Variants in LINGO2 observed in about 807,000 individuals in gnomAD.
LINGO2 encodes leucine rich repeat and Ig domain containing 2.
In LINGO2, 14 loss-of-function variants were observed where a neutral mutation model predicts 30.6. The ratio of observed to expected loss-of-function variants is 0.46; its 90% CI spans 0.30 to 0.72. The LOEUF (loss-of-function observed/expected upper bound fraction) is 0.72. LINGO2 is among the 30% of genes least tolerant of loss of function. LINGO2 has a pLI of 0.07. For missense variants in LINGO2, 729 were observed against 751.7 expected (o/e 0.97, Z 0.35); for synonymous variants, 317 against 288.5 (o/e 1.10, Z -1.00).
chr9:28,565,590 C>T (rs1040176380), intron 1 of LINGO2, among the ~76,000 whole-genome samples: 1 of 151,416 alleles, frequency 6.6e-6, no homozygotes, highest in South Asian at 2.1e-4. Context: ...CTCGCTCTGT[C>T]GCCCAGGCTG....
chr9:28,331,525 A>G (rs1825418284), intron 3 of LINGO2, among the ~76,000 whole-genome samples: 1 of 152,046 alleles, frequency 6.6e-6, no homozygotes, highest in African/African-American at 2.4e-5. Context: ...TGTTTTTTGG[A>G]GAAGAAGTCT....
At chr9:28,549,350 T>C (rs1157833381) in intron 1 of LINGO2, among the ~76,000 whole-genome samples, 1 of 152,162 alleles carries the variant, frequency 6.6e-6, no homozygotes, top group Non-Finnish European at 1.5e-5. Flanking sequence ...ATTTCATTCA[T>C]CTATATTGAT....
At chr9:28,158,414 G>T (rs1828195106) in intron 4 of LINGO2, among the ~76,000 whole-genome samples, 1 of 152,172 alleles carries the variant, frequency 6.6e-6, no homozygotes, top group Non-Finnish European at 1.5e-5. Context: ...AGGTAAGAGA[G>T]AAAGTTACTA....
At chr9:28,668,103 A>C (rs1588048842) in intron 1 of LINGO2, among the ~76,000 whole-genome samples, 1 of 152,272 alleles carries the variant, frequency 6.6e-6, no homozygotes, top group Non-Finnish European at 1.5e-5. Flanking sequence ...GAATTGAGAA[A>C]ATAATCTTTA....
At chr9:28,396,703 CA>C (rs60660309) in intron 2 of LINGO2, among the ~76,000 whole-genome samples, 768 of 53,138 alleles carry the variant, frequency 0.014, 20 homozygotes, top group African/African-American at 0.053. Context: ...GACTCCATCT[CA>C]AAAAAAAAAA....
At chr9:29,029,146 C>T in the LINGO2 span, among the ~76,000 whole-genome samples, 6 of 152,222 alleles carry the variant, frequency 3.9e-5, no homozygotes, top group Non-Finnish European at 7.4e-5. Context: ...AAAGGCTACA[C>T]TACAGTTTTA....
At chr9:28,640,821 C>A (rs1303929609) in intron 1 of LINGO2, among the ~76,000 whole-genome samples, 1 of 152,142 alleles carries the variant, frequency 6.6e-6, no homozygotes, top group African/African-American at 2.4e-5. Context: ...CTTCTTCTCT[C>A]AACTCGTCAA....
the LINGO2 span, among the ~76,000 whole-genome samples, chr9:29,021,686 AAGGAAGG>A: frequency 2.1e-5 from 1 of 47,998 alleles, no homozygotes; most frequent in African/African-American, 9.7e-5. Context: ...AAAAGAAAGG[AAGGAAGG>A]AAGGAAGGAA....
chr9:28,161,925 T>G (rs570408253), intron 4 of LINGO2, among the ~76,000 whole-genome samples: 1 of 152,282 alleles, frequency 6.6e-6, no homozygotes, highest in East Asian at 1.9e-4. Context: ...TTTTCCAATG[T>G]TTCAATGCTG....
the LINGO2 span, among the ~76,000 whole-genome samples, chr9:28,880,555 T>C: frequency 6.6e-6 from 1 of 152,170 alleles, no homozygotes; most frequent in East Asian, 1.9e-4. Context: ...AGCGGGGTAT[T>C]GTCCAAGGTT....
At chr9:29,146,939 C>A in the LINGO2 span, among the ~76,000 whole-genome samples, 1 of 152,068 alleles carries the variant, frequency 6.6e-6, no homozygotes, top group African/African-American at 2.4e-5. Flanking sequence ...GAAAAAGTAT[C>A]AATGATTTCA....
chr9:28,241,583 G>T (rs976481480), intron 4 of LINGO2, among the ~76,000 whole-genome samples: 3 of 152,086 alleles, frequency 2.0e-5, no homozygotes, highest in Non-Finnish European at 4.4e-5. Context: ...AGATTAGTAG[G>T]TTTACCCCCA....
exon 6 of LINGO2, chr9:27,949,262 G>C (rs748864410): frequency 6.2e-7 from 1 of 1,614,080 alleles, no homozygotes; most frequent in South Asian, 1.1e-5. Flanking sequence ...GGGCAAAGCG[G>C]ATTTCCAAGG....
intron 4 of LINGO2, among the ~76,000 whole-genome samples, chr9:28,184,472 A>T (rs1452124372): frequency 6.6e-6 from 1 of 152,022 alleles, no homozygotes; most frequent in Non-Finnish European, 1.5e-5. Flanking sequence ...TTGAAACTGA[A>T]CTTCTTAAGG....
chr9:28,600,349 A>G (rs956820791), intron 1 of LINGO2, among the ~76,000 whole-genome samples: 1 of 152,160 alleles, frequency 6.6e-6, no homozygotes, highest in African/African-American at 2.4e-5. Flanking sequence ...TATTGCATTC[A>G]TGACACGTTA....
chr9:28,848,407 A>ATATATATATACTGTATATAG, the LINGO2 span, among the ~76,000 whole-genome samples: 8 of 113,442 alleles, frequency 7.1e-5, no homozygotes, highest in Non-Finnish European at 1.4e-4. Context: ...GTATATATAT[A>ATATATATATACTGTATATAG]TATATATATA....
chr9:28,373,168 A>T (rs1038422449), intron 2 of LINGO2, among the ~76,000 whole-genome samples: 1 of 152,242 alleles, frequency 6.6e-6, no homozygotes, highest in Non-Finnish European at 1.5e-5. Context: ...TTTAATAAAC[A>T]TGATTAAATT....
At chr9:29,087,672 T>C in the LINGO2 span, among the ~76,000 whole-genome samples, 1 of 152,104 alleles carries the variant, frequency 6.6e-6, no homozygotes, top group East Asian at 1.9e-4. Flanking sequence ...TAGACTAGAA[T>C]TTGCTTAAGT....
chr9:28,516,475 A>T (rs1051526544), intron 1 of LINGO2, among the ~76,000 whole-genome samples: 1 of 152,228 alleles, frequency 6.6e-6, no homozygotes, highest in Non-Finnish European at 1.5e-5. Context: ...TTAGGGACAC[A>T]GGTCCTGCCT....
Sources: allele counts gnomAD v4.1 joint callset (sites outside exome capture counted in the v4.1 genomes callset), GRCh38; gene constraint gnomAD v4.1.1; transcripts MANE v1.5; gene names NCBI Gene and HGNC (gene_info 2026-07-23, HGNC 2026-07-21).